PCDHA10: variants seen among roughly 807,000 people sequenced by gnomAD.
PCDHA10 encodes protocadherin alpha-10.
Under a neutral mutation model 61.2 loss-of-function variants are expected in PCDHA10, and 45 were observed. That is an observed-to-expected ratio of 0.74 (90% CI 0.58 to 0.94). The LOEUF (loss-of-function observed/expected upper bound fraction) is 0.94. PCDHA10 is among the 40% of genes least tolerant of loss of function. PCDHA10 has a pLI of 0.00. For synonymous variants in PCDHA10, 602 were observed against 548.8 expected, an observed-to-expected ratio of 1.10 and a Z score of -1.35; for missense variants, 1,278 against 1,236.2, an observed-to-expected ratio of 1.03 and a Z score of -0.51.
rs560121926 is a variant in PCDHA10 at position 140,949,352 on chromosome 5, T to A, written c.2389-29597T>A. Among the ~76,000 whole-genome samples, 6 of 151,992 alleles carry A rather than the reference T, an allele frequency of 3.9e-5. No individual in the cohort carries two copies. The South Asian group carries it at 1.2e-3, about 31-fold the overall frequency. On this transcript the variant is annotated intron_variant, in intron 1 of 3. Transcript: ENST00000307360. Reference sequence around the variant, plus strand: ...TTGTTATCCAGATTTTCTGTGTCTTTATTTTTTTGTCTAGTTGTCCTATCA... The same window carrying A: ...TTGTTATCCAGATTTTCTGTGTCTTAATTTTTTTGTCTAGTTGTCCTATCA...
intron 1 of PCDHA10, chr5:140,871,260 G>A: frequency 1.9e-6 from 3 of 1,613,980 alleles, no homozygotes; most frequent in South Asian, 1.1e-5. Flanking sequence ...TGTATACGGC[G>A]CTGTGGTGGT....
intron 1 of PCDHA10, chr5:140,966,480 TC>T: frequency 2.3e-6 from 1 of 431,902 alleles, no homozygotes; most frequent in Admixed American, 4.4e-5. Flanking sequence ...TGTTTCCTTT[TC>T]CCTCCCCCTG....
At chr5:140,905,380 T>G (rs1226315920) in intron 1 of PCDHA10, among the ~76,000 whole-genome samples, 1 of 152,216 alleles carries the variant, frequency 6.6e-6, no homozygotes, top group African/African-American at 2.4e-5. Context: ...TCTGTTCTGT[T>G]TCATAGGTCT....
intron 3 of PCDHA10, 66 bp from the exon 4 acceptor site, chr5:141,009,561 A>C: frequency 6.4e-7 from 1 of 1,571,278 alleles, no homozygotes; most frequent in Non-Finnish European, 8.6e-7. Context: ...CCTGTACTCT[A>C]CCAGCAGTGT....
chr5:140,885,138 T>C (rs1582817960), intron 1 of PCDHA10, among the ~76,000 whole-genome samples: 1 of 152,206 alleles, frequency 6.6e-6, no homozygotes, highest in Admixed American at 6.5e-5. Context: ...TTTCTTTTTT[T>C]AAACTGTTTT....
At chr5:140,967,885 A>G in intron 1 of PCDHA10, 1 of 1,614,134 alleles carries the variant, frequency 6.2e-7, no homozygotes, top group South Asian at 1.1e-5. Context: ...TGTATAGCCC[A>G]GTGCCTGAGA....
chr5:140,913,100 A>G (rs2076204390), intron 1 of PCDHA10, among the ~76,000 whole-genome samples: 1 of 152,186 alleles, frequency 6.6e-6, no homozygotes, highest in Non-Finnish European at 1.5e-5. Flanking sequence ...TACTGGCCTC[A>G]TAGAATCAGT....
intron 1 of PCDHA10, chr5:140,869,945 T>TC: frequency 6.2e-7 from 1 of 1,612,376 alleles, no homozygotes. Context: ...ACATACTCCT[T>TC]AATGTCAATT....
rs190430267 is a variant in PCDHA10 at position 140,870,766 on chromosome 5, C to A, written c.2388+12330C>A. The A allele has an allele frequency of 3.4e-4, 554 of 1,613,562 alleles. 3 individuals are homozygous for A. The African/African-American group carries it at 6.6e-3, about 19-fold the overall frequency. On this transcript the variant is annotated intron_variant, in intron 1 of 3. Coordinates refer to ENST00000307360, the MANE Select transcript of PCDHA10 (RefSeq NM_018901.4). ...CAACGTGACGCTGCAGGTGTTCGTG[C>A]TGGACGAGAACGACAACGCGCCGGC...
rs552289184 is a variant in PCDHA10, at chr5:140,942,884, T to C, written c.2389-36065T>C. 7.9e-5 allele frequency among the ~76,000 whole-genome samples: 12 copies of C among 152,178 alleles called. No individual in the cohort carries two copies. In the East Asian group the frequency reaches 2.3e-3, roughly 29 times the overall value. ...TGCTTTAGCATGACAACTTTTTTCC[T>C]AAAATTTATCTCTAAGAATAAGCGT... On this transcript the variant is annotated intron_variant, in intron 1 of 3. Transcript: ENST00000307360.
intron 1 of PCDHA10, chr5:140,864,826 T>C (rs1297675845): frequency 6.6e-6 from 1 of 152,188 alleles, no homozygotes; most frequent in African/African-American, 2.4e-5. Flanking sequence ...ATTTGGGCTT[T>C]AAGTATAAGA....
intron 1 of PCDHA10, chr5:140,883,731 C>T (rs1287936712): frequency 6.2e-7 from 1 of 1,613,446 alleles, no homozygotes; most frequent in East Asian, 2.2e-5. Flanking sequence ...CAGGAGAACG[C>T]GCTGGTCTCC....
intron 1 of PCDHA10, among the ~76,000 whole-genome samples, chr5:140,975,853 C>T (rs1419464318): frequency 6.6e-6 from 1 of 152,126 alleles, no homozygotes; most frequent in African/African-American, 2.4e-5. Context: ...AATACTACAT[C>T]ACCCATATGG....
chr5:140,907,864 G>T (rs1033952784), intron 1 of PCDHA10, among the ~76,000 whole-genome samples: 1 of 152,202 alleles, frequency 6.6e-6, no homozygotes, highest in Non-Finnish European at 1.5e-5. Context: ...GAGGCCAGCC[G>T]TTGGTGAGCA....
chr5:140,924,613 T>G (rs185833158), intron 1 of PCDHA10, among the ~76,000 whole-genome samples: 1 of 152,170 alleles, frequency 6.6e-6, no homozygotes, highest in African/African-American at 2.4e-5. Context: ...TGATGCCAGG[T>G]GCGGTGGCAT....
At chr5:140,954,787 T>C (rs2095088208) in intron 1 of PCDHA10, among the ~76,000 whole-genome samples, 1 of 152,218 alleles carries the variant, frequency 6.6e-6, no homozygotes, top group African/African-American at 2.4e-5. Flanking sequence ...TAGATCTCAT[T>C]TGTCAATTTT....
chr5:140,998,987 G>A (rs1381033392), intron 3 of PCDHA10, among the ~76,000 whole-genome samples: 1 of 152,234 alleles, frequency 6.6e-6, no homozygotes. Context: ...ATAGTAGAAA[G>A]CAGAATGCTG....
In PCDHA10 at chr5:140,856,563, G is replaced by A. The variant is rs1554148859; in HGVS notation, c.515G>A (p.Ser172Asn). The A allele has an allele frequency of 1.9e-6, 3 of 1,597,526 alleles. No individual in the cohort carries two copies. The highest frequency in any genetic ancestry group is 1.7e-4 in the Middle Eastern group (1 of 5,994). ...GENALLTYKLSPNEYFVLDII... is the reference protein window; with the variant it reads ...GENALLTYKLNPNEYFVLDII... ...AACGCATTGCTTACTTACAAACTCA[G>A]TCCAAATGAGTATTTTGTTCTTGAT... The change falls in exon 1 of 4, where the codon AGT (serine) becomes AAT (asparagine). Residue 172 changes from serine (S) to asparagine (N), a missense_variant. Transcript: ENST00000307360.
rs189790601 is a variant in PCDHA10 at position 140,875,550 on chromosome 5, G to A, written c.2388+17114G>A. ...TTCTGCTCCTTGCAGCCTGGGAGGTGGGGAGCGGCCAGCTCCACTACTCCG... is the reference window on the plus strand; with the variant it reads ...TTCTGCTCCTTGCAGCCTGGGAGGTAGGGAGCGGCCAGCTCCACTACTCCG... On this transcript the variant is annotated intron_variant, in intron 1 of 3. Transcript: ENST00000307360. 51 of 1,614,134 alleles carry A rather than the reference G, an allele frequency of 3.2e-5. No homozygotes were observed. In the African/African-American group the frequency reaches 5.7e-4, roughly 18 times the overall value.
Sources: allele counts gnomAD v4.1 joint callset (sites outside exome capture counted in the v4.1 genomes callset), GRCh38; gene constraint gnomAD v4.1.1; transcripts MANE v1.5; gene names NCBI Gene and HGNC (gene_info 2026-07-23, HGNC 2026-07-21).